MYO16: variants seen among roughly 807,000 people sequenced by gnomAD.
MYO16 encodes the protein myosin XVI.
Under a neutral mutation model 205.3 loss-of-function variants are expected in MYO16, and 94 were observed. The ratio of observed to expected loss-of-function variants is 0.46; its 90% CI spans 0.39 to 0.54. The LOEUF is 0.54. Among genes scored for constraint, MYO16 ranks in the 20% least tolerant of loss-of-function variants. The pLI is 0.00. For missense variants in MYO16, 2,315 were observed against 2,387.5 expected, an observed-to-expected ratio of 0.97 and a Z score of 0.63; for synonymous variants, 988 against 954.0, an observed-to-expected ratio of 1.04 and a Z score of -0.66.
rs569035833 is a variant in MYO16, at chr13:108,896,944, C to T, written c.1660-1072C>T. ...CCGAGATCACACCACTGCAGTGAGC[C>T]GAGATCACATCACTGCACTCCAGCC... On this transcript the variant is annotated intron_variant, in intron 14 of 34. Coordinates refer to ENST00000457511, the MANE Select transcript of MYO16 (RefSeq NM_001198950.3). Among the ~76,000 whole-genome samples, 92 of 151,846 alleles carry T rather than the reference C, an allele frequency of 6.1e-4. 1 individual carries two copies. Among genetic ancestry groups the T allele is most frequent in the African/African-American group, 2.0e-3 (84 of 41,394 alleles).
chr13:108,714,202 C>A (rs1300886266), intron 3 of MYO16, among the ~76,000 whole-genome samples: 2 of 152,078 alleles, frequency 1.3e-5, no homozygotes, highest in Non-Finnish European at 2.9e-5. Flanking sequence ...ACTACAGGCA[C>A]CCGCCATCAC....
At chr13:108,925,595 A>G (rs1418468995) in intron 16 of MYO16, among the ~76,000 whole-genome samples, 5 of 152,194 alleles carry the variant, frequency 3.3e-5, no homozygotes, top group African/African-American at 9.7e-5. Context: ...CTGTCCCAGT[A>G]AATGGCATCT....
At chr13:108,829,312 T>A (rs535124841) in intron 9 of MYO16, among the ~76,000 whole-genome samples, 61 of 152,310 alleles carry the variant, frequency 4.0e-4, no homozygotes, top group African/African-American at 1.5e-3. Context: ...TACTAAATAA[T>A]TGCTTAAGAA....
the MYO16 span, among the ~76,000 whole-genome samples, chr13:108,510,155 C>T: frequency 4.3e-4 from 65 of 152,240 alleles, no homozygotes; most frequent in African/African-American, 1.5e-3. Context: ...CTCGCCCTGT[C>T]GCCCAGGCTG....
At chr13:108,526,555 A>G in the MYO16 span, among the ~76,000 whole-genome samples, 1 of 152,202 alleles carries the variant, frequency 6.6e-6, no homozygotes, top group South Asian at 2.1e-4. Context: ...ATGCTTGGGC[A>G]AAACAAACAA....
intron 2 of MYO16, among the ~76,000 whole-genome samples, chr13:108,707,805 C>A (rs1287468359): frequency 2.6e-5 from 4 of 152,186 alleles, no homozygotes; most frequent in African/African-American, 9.7e-5. Context: ...GCACCAGAAT[C>A]TCCTGCAGTG....
At chr13:108,509,961 C>T in the MYO16 span, among the ~76,000 whole-genome samples, 1 of 152,126 alleles carries the variant, frequency 6.6e-6, no homozygotes, top group East Asian at 1.9e-4. Flanking sequence ...CTACAAGATA[C>T]AGCAGAAGTT....
intron 3 of MYO16, among the ~76,000 whole-genome samples, chr13:108,721,414 G>A (rs554664225): frequency 6.6e-6 from 1 of 152,298 alleles, no homozygotes; most frequent in South Asian, 2.1e-4. Flanking sequence ...GAGTCCAGGA[G>A]GGATGACATT....
In MYO16 at chr13:109,140,502, C is replaced by T. The variant is rs1357303173; in HGVS notation, c.4290C>T (p.Ser1430=). 1.9e-6 allele frequency: 3 copies of T among 1,548,482 alleles called. No individual in the cohort carries two copies. Among genetic ancestry groups the T allele is most frequent in the Admixed American group, 1.9e-5 (1 of 53,360 alleles). The change falls in exon 32 of 35, where the codon AGC becomes AGT. Residue 1430 remains serine (S), a synonymous_variant. Transcript: ENST00000457511. The surrounding 1 kb of genome is among the most constrained non-coding windows in gnomAD (Gnocchi z 8.0). ...CGCCTCCGGGTGACGAGGACGACAG[C>T]GAGCCTGTGTACATCGAGATGCTGG... ...PAAPPGDEDD[S]EPVYIEMLGH...
At chr13:108,835,830 G>C (rs2139051916) in intron 9 of MYO16, among the ~76,000 whole-genome samples, 1 of 152,302 alleles carries the variant, frequency 6.6e-6, no homozygotes, top group South Asian at 2.1e-4. Flanking sequence ...AGATGATTTA[G>C]GGTATCTGGC....
chr13:108,696,469 G>A (rs1883093817), intron 2 of MYO16, among the ~76,000 whole-genome samples: 1 of 152,150 alleles, frequency 6.6e-6, no homozygotes, highest in African/African-American at 2.4e-5. Context: ...AAGACTGAAA[G>A]AGGCCAGACA....
At chr13:109,092,379 TGCCATGGAATACTATGCA>T (rs1218013855) in intron 27 of MYO16, among the ~76,000 whole-genome samples, 2 of 152,266 alleles carry the variant, frequency 1.3e-5, no homozygotes, top group Admixed American at 1.3e-4. Flanking sequence ...GGTACATATA[TGCCATGGAATACTATGCA>T]GCCATAAAAA....
intron 1 of MYO16, among the ~76,000 whole-genome samples, chr13:108,657,697 G>T (rs547755085): frequency 2.0e-4 from 30 of 152,156 alleles, no homozygotes; most frequent in Non-Finnish European, 3.4e-4. Flanking sequence ...ATTCAGCAAA[G>T]TTCCGGACTA....
chr13:108,797,621 C>G (rs1886832409), intron 6 of MYO16, among the ~76,000 whole-genome samples: 2 of 152,164 alleles, frequency 1.3e-5, no homozygotes, highest in Non-Finnish European at 1.5e-5. Flanking sequence ...AGGTCATTGA[C>G]TTTCTCTTGG....
chr13:108,798,627 T>A (rs1446471808), intron 6 of MYO16, among the ~76,000 whole-genome samples: 2 of 151,944 alleles, frequency 1.3e-5, no homozygotes, highest in Non-Finnish European at 2.9e-5. Flanking sequence ...GAAGACATTG[T>A]TGTTTTATTA....
At chr13:108,687,035 T>C (rs965948160) in intron 2 of MYO16, among the ~76,000 whole-genome samples, 1 of 152,218 alleles carries the variant, frequency 6.6e-6, no homozygotes. Context: ...GGTTCTGCTT[T>C]GGTTTGGCTG....
chr13:109,207,023 G>C lies in MYO16; in HGVS notation c.*187G>C, dbSNP rs899888176. 1.1e-5 allele frequency: 6 copies of C among 564,298 alleles called. No homozygotes were observed. Among genetic ancestry groups the C allele is most frequent in the African/African-American group, 1.9e-5 (1 of 52,394 alleles). The allele number at this position is 564,298 out of a possible 1,614,324, so 35.0% of individuals were successfully genotyped here. A position where few individuals can be genotyped will look rare whatever the true frequency, so the allele number is the denominator to read the frequency against. On this transcript the variant is annotated 3_prime_UTR_variant, in exon 35 of 35. Coordinates refer to ENST00000457511, the MANE Select transcript of MYO16 (RefSeq NM_001198950.3). ...GTGTGTGTTTGTGTGTGTGTGTGTG[G>C]GTTCTTTCTTATCCATCTCGTGGTG...
chr13:109,140,569 G>A lies in MYO16; in HGVS notation c.4357G>A (p.Val1453Met). 6.5e-7 allele frequency: 1 copy of A among 1,536,096 alleles called. No homozygotes were observed. The highest frequency in any genetic ancestry group is 1.4e-5 in the African/African-American group (1 of 71,536). The stretch of plus-strand genomic sequence containing the variant: ...CGATAGCCCGGACCCCGGGGAGTCC[G>A]TGTACGAGGAGATGAAGTGTTGCCT... Reference protein sequence around the residue: ...RPDSPDPGESVYEEMKCCLPD... With the variant: ...RPDSPDPGESMYEEMKCCLPD... The change falls in exon 32 of 35, where the codon GTG becomes ATG. Residue 1453 changes from valine to methionine, a missense_variant. By Grantham distance (21) the Val-to-Met change is conservative. This residue lies in a region of MYO16 where 1,097 missense variants were observed against 1,092.0 expected (regional missense o/e 1.00). Transcript: ENST00000457511. This position sits in a 1 kb window ranked among gnomAD's most constrained non-coding sequence, Gnocchi z 8.0.
intron 7 of MYO16, among the ~76,000 whole-genome samples, chr13:108,816,555 A>C (rs1875618994): frequency 6.6e-6 from 1 of 152,192 alleles, no homozygotes; most frequent in Non-Finnish European, 1.5e-5. Context: ...GCAAGGTCAC[A>C]CGATCCATAA....
Sources: gnomAD v4.1 joint callset for allele counts (sites outside exome capture counted in the v4.1 genomes callset) on GRCh38, gnomAD v4.1.1 for gene constraint, gnomAD v4.1.1 regional missense constraint, Gnocchi (gnomAD v3.1) non-coding constraint, MANE v1.5 for transcripts, NCBI Gene and HGNC (gene_info 2026-07-23, HGNC 2026-07-21) for gene names.